RNF220: variants seen among roughly 807,000 people sequenced by gnomAD.
The protein encoded by RNF220 is ring finger protein 220.
In RNF220, 7 loss-of-function variants were observed where a neutral mutation model predicts 67.1. The observed-to-expected ratio is 0.10, with a 90% CI of 0.06 to 0.20. The LOEUF is 0.20. RNF220 is among the 10% of genes least tolerant of loss of function. The pLI is 1.00. For synonymous variants in RNF220, 270 were observed against 283.2 expected, an observed-to-expected ratio of 0.95 and a Z score of 0.47; for missense variants, 565 against 740.3, an observed-to-expected ratio of 0.76 and a Z score of 2.75.
chr1:44,407,500 C>T (rs1407424735), intron 1 of RNF220, among the ~76,000 whole-genome samples: 1 of 152,028 alleles, frequency 6.6e-6, no homozygotes, highest in Non-Finnish European at 1.5e-5. Flanking sequence ...CCCGCAGAGA[C>T]CCGGCAAAAG....
chr1:44,528,003 T>C (rs1660532845), intron 2 of RNF220, among the ~76,000 whole-genome samples: 2 of 144,788 alleles, frequency 1.4e-5, no homozygotes, highest in Admixed American at 1.4e-4. Flanking sequence ...AGAACTTTCA[T>C]AGTGTGAATG....
At chr1:44,455,659 C>G (rs12071805) in intron 2 of RNF220, among the ~76,000 whole-genome samples, 41,406 of 152,054 alleles carry the variant, frequency 0.27, 5,973 homozygotes, top group Middle Eastern at 0.36. Flanking sequence ...CATTGAAAAC[C>G]ACATGGAAAG....
At chr1:44,555,027 C>A (rs570334291) in intron 2 of RNF220, among the ~76,000 whole-genome samples, 4 of 152,250 alleles carry the variant, frequency 2.6e-5, no homozygotes, top group African/African-American at 9.6e-5. Flanking sequence ...TCTTCAATGG[C>A]TCATTTTTGC....
chr1:44,471,113 AT>A (rs1342469577), intron 2 of RNF220, among the ~76,000 whole-genome samples: 6 of 152,136 alleles, frequency 3.9e-5, no homozygotes, highest in Non-Finnish European at 8.8e-5. Context: ...AAAATTCACC[AT>A]TTTAATCATT....
chr1:44,549,056 A>G (rs1572849533), intron 2 of RNF220, among the ~76,000 whole-genome samples: 1 of 152,246 alleles, frequency 6.6e-6, no homozygotes, highest in African/African-American at 2.4e-5. Flanking sequence ...GTATGGTGAC[A>G]CATGCCTATA....
intron 2 of RNF220, among the ~76,000 whole-genome samples, chr1:44,554,058 T>G (rs1662878969): frequency 6.6e-6 from 1 of 152,154 alleles, no homozygotes; most frequent in Non-Finnish European, 1.5e-5. Context: ...ATAGGAATCC[T>G]GAAGGCAAGC....
chr1:44,543,928 G>A (rs1661898174), intron 2 of RNF220, among the ~76,000 whole-genome samples: 1 of 152,190 alleles, frequency 6.6e-6, no homozygotes, highest in Non-Finnish European at 1.5e-5. Flanking sequence ...GGTGGAGCAA[G>A]CAGCCTATCT....
At chr1:44,437,488 T>C (rs1239849025) in intron 2 of RNF220, among the ~76,000 whole-genome samples, 1 of 152,188 alleles carries the variant, frequency 6.6e-6, no homozygotes, top group Non-Finnish European at 1.5e-5. Flanking sequence ...CCCGCATAAC[T>C]TACAACCCTG....
chr1:44,554,402 T>A lies in RNF220; in HGVS notation c.626-59763T>A, dbSNP rs75051151. 0.013 allele frequency among the ~76,000 whole-genome samples: 2,033 copies of A among 152,098 alleles called. 115 individuals are homozygous for A. In the East Asian group the frequency reaches 0.2, roughly 15 times the overall value. ...CGCCTACCCTTACTCCTTTGCTGTC[T>A]TACTCCCCTAGCCTAGAACTGGATC... On this transcript the variant is annotated intron_variant, in intron 2 of 14. Transcript: ENST00000361799.
In RNF220 at chr1:44,436,964, C is replaced by T. The variant is rs145714677; in HGVS notation, c.625+24242C>T. Among the ~76,000 whole-genome samples, 555 of 152,304 alleles carry T rather than the reference C, an allele frequency of 3.6e-3. 4 individuals carry two copies. The highest frequency in any genetic ancestry group is 0.013 in the African/African-American group (535 of 41,566). On this transcript the variant is annotated intron_variant, in intron 2 of 14. Coordinates refer to ENST00000361799, the MANE Select transcript of RNF220 (RefSeq NM_018150.4). ...AACTCTTCAGGATTCTCTATCTTGCCTAAGGCAACACTTATGTCCCCCAGT... is the reference window on the plus strand; with the variant it reads ...AACTCTTCAGGATTCTCTATCTTGCTTAAGGCAACACTTATGTCCCCCAGT...
At chr1:44,465,353 A>AT (rs1654177460) in intron 2 of RNF220, among the ~76,000 whole-genome samples, 1 of 151,648 alleles carries the variant, frequency 6.6e-6, no homozygotes, top group Non-Finnish European at 1.5e-5. Context: ...CCATAAAAAA[A>AT]TTTTAATGGC....
chr1:44,619,316 C>T (rs2148442724), intron 3 of RNF220, among the ~76,000 whole-genome samples: 1 of 152,314 alleles, frequency 6.6e-6, no homozygotes, highest in South Asian at 2.1e-4. Context: ...TTTAAAAGGG[C>T]TCAAAGAAGC....
At chr1:44,498,514 C>T (rs544187605) in intron 2 of RNF220, among the ~76,000 whole-genome samples, 47 of 152,248 alleles carry the variant, frequency 3.1e-4, no homozygotes, top group African/African-American at 1.1e-3. Context: ...AAGTCCCCCT[C>T]CCTGCCAGAT....
At chr1:44,420,997 GGC>G (rs1323914650) in intron 2 of RNF220, among the ~76,000 whole-genome samples, 1 of 152,172 alleles carries the variant, frequency 6.6e-6, no homozygotes, top group Non-Finnish European at 1.5e-5. Flanking sequence ...CATGCCTTAT[GGC>G]AATGTGGAAA....
chr1:44,590,899 G>C (rs1486154701), intron 2 of RNF220, among the ~76,000 whole-genome samples: 1 of 152,130 alleles, frequency 6.6e-6, no homozygotes, highest in African/African-American at 2.4e-5. Context: ...TTGAAGCTGA[G>C]CCCTGGAAGA....
At chr1:44,534,989 CGTT>C (rs1024720269) in intron 2 of RNF220, among the ~76,000 whole-genome samples, 24 of 152,226 alleles carry the variant, frequency 1.6e-4, no homozygotes, top group African/African-American at 4.8e-4. Context: ...TGTCCAGACT[CGTT>C]GTGACCAGGG....
At chr1:44,558,309 C>T (rs748283058) in intron 2 of RNF220, among the ~76,000 whole-genome samples, 13 of 152,204 alleles carry the variant, frequency 8.5e-5, no homozygotes, top group African/African-American at 1.7e-4. Context: ...ACTGTATATG[C>T]GTATGCACAC....
chr1:44,440,352 C>G (rs1404622735), intron 2 of RNF220, among the ~76,000 whole-genome samples: 1 of 152,032 alleles, frequency 6.6e-6, no homozygotes, highest in African/African-American at 2.4e-5. Flanking sequence ...TCACTCTAGC[C>G]AGGTATGCAG....
rs377070693 is a variant in RNF220, at chr1:44,416,800, T to C, written c.625+4078T>C. 5.4e-4 allele frequency among the ~76,000 whole-genome samples: 83 copies of C among 152,384 alleles called. No homozygotes were observed. In the Middle Eastern group the frequency reaches 0.027, roughly 50 times the overall value. On this transcript the variant is annotated intron_variant, in intron 2 of 14. Coordinates refer to ENST00000361799, the MANE Select transcript of RNF220 (RefSeq NM_018150.4). The stretch of plus-strand genomic sequence containing the variant: ...AGGAAACCTGATGGCTCACAGCAGC[T>C]CCTGGATGTTCTGCTTTGCTCTCAT...
Sources: allele counts gnomAD v4.1 joint callset (sites outside exome capture counted in the v4.1 genomes callset), GRCh38; gene constraint gnomAD v4.1.1; transcripts MANE v1.5; gene names NCBI Gene and HGNC (gene_info 2026-07-23, HGNC 2026-07-21).